The following NINL variants were observed in gnomAD, a reference collection of about 807,000 sequenced individuals.
The protein encoded by NINL is ninein like.
Under a neutral mutation model 160.3 loss-of-function variants are expected in NINL, and 153 were observed. The observed-to-expected ratio is 0.95, with a 90% CI of 0.84 to 1.09. The LOEUF (loss-of-function observed/expected upper bound fraction) is 1.09, where lower values mean the gene tolerates loss of function less well. NINL is among the 50% of genes least tolerant of loss of function. NINL has a pLI of 0.00. For synonymous variants in NINL, 800 were observed against 734.8 expected (o/e 1.09, Z -1.43); for missense variants, 1,829 against 1,764.0 (o/e 1.04, Z -0.66).
chr20:25,502,427 C>T (rs1322114450), intron 7 of NINL, among the ~76,000 whole-genome samples: 13 of 152,098 alleles, frequency 8.5e-5, no homozygotes, highest in Admixed American at 8.5e-4. Context: ...GCAGCCATGC[C>T]CTGGTCTCCT....
intron 8 of NINL, 22 bp downstream of exon 8, chr20:25,500,818 T>C: frequency 6.2e-7 from 1 of 1,608,470 alleles, no homozygotes; most frequent in Non-Finnish European, 8.5e-7. Flanking sequence ...CTGTCCAGCT[T>C]AGGCATCACC....
chr20:25,511,167 C>T (rs1314945381), intron 4 of NINL, among the ~76,000 whole-genome samples: 4 of 152,184 alleles, frequency 2.6e-5, no homozygotes, highest in Admixed American at 2.6e-4. Context: ...AGGACACGCT[C>T]GCCATACAAG....
chr20:25,585,035 G>T (rs73339309), intron 1 of NINL, among the ~76,000 whole-genome samples: 11,192 of 131,062 alleles, frequency 0.085, 590 homozygotes, highest in African/African-American at 0.16. Context: ...ACCAGACGCC[G>T]GCGGCGTCAG....
chr20:25,488,898 T>G (rs1006006770), intron 13 of NINL: 7 of 258,542 alleles, frequency 2.7e-5, no homozygotes, highest in Non-Finnish European at 4.6e-5. Flanking sequence ...ACGGGGGTCC[T>G]CCTGGGTTTA....
chr20:25,477,165 T>C, intron 16 of NINL, 76 bp from the exon 17 acceptor site: 2 of 1,349,630 alleles, frequency 1.5e-6, no homozygotes, highest in Non-Finnish European at 2.0e-6. Context: ...TCTGCCCAGC[T>C]GTTGCAACGG....
intron 1 of NINL, among the ~76,000 whole-genome samples, chr20:25,567,405 C>CAA (rs1264160430): frequency 1.3e-5 from 2 of 152,152 alleles, no homozygotes; most frequent in African/African-American, 4.8e-5. Flanking sequence ...TCAGGAAGCT[C>CAA]AGAGAGCACC....
intron 2 of NINL, among the ~76,000 whole-genome samples, chr20:25,522,431 A>C (rs560161104): frequency 1.3e-5 from 2 of 152,244 alleles, no homozygotes; most frequent in South Asian, 4.2e-4. Context: ...TATTTAACCA[A>C]TCCCATACTG....
intron 1 of NINL, among the ~76,000 whole-genome samples, chr20:25,584,102 G>T (rs1282260248): frequency 2.6e-5 from 4 of 152,172 alleles, no homozygotes. Flanking sequence ...GTATACCCAT[G>T]TAACAAACCA....
At chr20:25,526,781 C>T (rs953106877) in intron 1 of NINL, among the ~76,000 whole-genome samples, 183 bp from the exon 2 acceptor site, 1 of 152,212 alleles carries the variant, frequency 6.6e-6, no homozygotes, top group African/African-American at 2.4e-5. Context: ...TCCACCCTTG[C>T]AGGAGAGGCC....
chr20:25,547,261 C>T (rs2064745982), intron 1 of NINL, among the ~76,000 whole-genome samples: 1 of 152,184 alleles, frequency 6.6e-6, no homozygotes, highest in South Asian at 2.1e-4. Context: ...CCCCCAGCCT[C>T]CAGGGTGGGC....
chr20:25,544,325 A>C (rs1393421249), intron 1 of NINL, among the ~76,000 whole-genome samples: 2 of 152,172 alleles, frequency 1.3e-5, no homozygotes, highest in Admixed American at 1.3e-4. Context: ...ATCTATCTTT[A>C]GACCAAAGAC....
At chr20:25,577,936 G>T (rs1292955943) in intron 1 of NINL, among the ~76,000 whole-genome samples, 1 of 151,588 alleles carries the variant, frequency 6.6e-6, no homozygotes, top group Non-Finnish European at 1.5e-5. Flanking sequence ...AGGTTCAAGA[G>T]ATTCTCCTGC....
intron 1 of NINL, among the ~76,000 whole-genome samples, chr20:25,564,525 T>A (rs1300344597): frequency 6.6e-6 from 1 of 151,556 alleles, no homozygotes; most frequent in Non-Finnish European, 1.5e-5. Context: ...ACCATGTTGG[T>A]CAGGCTGGTC....
At chr20:25,564,030 A>G (rs1236354529) in intron 1 of NINL, among the ~76,000 whole-genome samples, 5 of 152,150 alleles carry the variant, frequency 3.3e-5, no homozygotes, top group African/African-American at 1.2e-4. Context: ...CCGAGCAACA[A>G]AGCAAGACCT....
intron 19 of NINL, among the ~76,000 whole-genome samples, chr20:25,466,461 C>CT (rs1242070883): frequency 6.6e-6 from 1 of 152,154 alleles, no homozygotes; most frequent in Non-Finnish European, 1.5e-5. Flanking sequence ...GATGATCACT[C>CT]TATATTGTTT....
intron 14 of NINL, 61 bp from the exon 15 acceptor site, chr20:25,480,328 A>G: frequency 7.6e-7 from 1 of 1,317,722 alleles, no homozygotes; most frequent in South Asian, 1.2e-5. Context: ...CCCCTTCCAA[A>G]CCTTCCAATC....
intron 4 of NINL, among the ~76,000 whole-genome samples, chr20:25,512,149 C>A (rs1453978441): frequency 6.6e-6 from 1 of 152,180 alleles, no homozygotes; most frequent in Admixed American, 6.5e-5. Flanking sequence ...ACCCAGGGAG[C>A]CTGGGGGACA....
In NINL at chr20:25,513,527, AT is replaced by A. The variant is rs577966860; in HGVS notation, c.278-522del. Among the ~76,000 whole-genome samples, 422 of 152,336 alleles carry A rather than the reference AT, an allele frequency of 2.8e-3. 2 individuals are homozygous for A. The highest frequency in any genetic ancestry group is 3.5e-3 in the Non-Finnish European group (239 of 68,016). ...CAATCATCCCAAGACAGCAGGCACC[AT>A]CAAGGACTGGCCTAGCACACTCTCA... On this transcript the variant is annotated intron_variant, in intron 3 of 23. Transcript: ENST00000278886.
intron 1 of NINL, among the ~76,000 whole-genome samples, chr20:25,553,065 A>G (rs899958681): frequency 2.1e-4 from 30 of 141,054 alleles, no homozygotes; most frequent in African/African-American, 8.1e-4. Context: ...TCCACTTCAG[A>G]CCCCACTATG....
Sources: gnomAD v4.1 joint callset for allele counts (sites outside exome capture counted in the v4.1 genomes callset) on GRCh38, gnomAD v4.1.1 for gene constraint, MANE v1.5 for transcripts, NCBI Gene and HGNC (gene_info 2026-07-23, HGNC 2026-07-21) for gene names.